CSMD3: variants seen among roughly 807,000 people sequenced by gnomAD.
CSMD3 encodes CUB and Sushi multiple domains 3.
CSMD3 carries 177 observed loss-of-function variants against 435.2 expected under a neutral mutation model. That is an observed-to-expected ratio of 0.41 (90% CI 0.36 to 0.46). The LOEUF (loss-of-function observed/expected upper bound fraction) is 0.46. Among genes scored for constraint, CSMD3 ranks in the 20% least tolerant of loss-of-function variants. The probability of loss-of-function intolerance (pLI) is 0.34; values close to 1 mark genes in which losing one functional copy is unlikely to be tolerated. For synonymous variants in CSMD3, 1,656 were observed against 1,520.5 expected (o/e 1.09, Z -2.07); for missense variants, 4,265 against 4,504.6 (o/e 0.95, Z 1.52).
At chr8:112,274,105 G>C (rs1245460188) in intron 59 of CSMD3, among the ~76,000 whole-genome samples, 1 of 151,546 alleles carries the variant, frequency 6.6e-6, no homozygotes, top group Non-Finnish European at 1.5e-5. Context: ...GTTCACTATT[G>C]CAAAAATGAG....
chr8:113,002,051 C>A (rs915424022), intron 6 of CSMD3, among the ~76,000 whole-genome samples: 2 of 152,006 alleles, frequency 1.3e-5, no homozygotes, highest in African/African-American at 4.8e-5. Context: ...AACTATAAGA[C>A]AATATATCTT....
chr8:112,622,728 A>G (rs1481386664), intron 22 of CSMD3, among the ~76,000 whole-genome samples: 1 of 152,160 alleles, frequency 6.6e-6, no homozygotes, highest in Non-Finnish European at 1.5e-5. Context: ...TATTTAAGCA[A>G]CTTCTGTGTA....
chr8:113,264,936 C>G (rs1274260173), intron 3 of CSMD3, among the ~76,000 whole-genome samples: 1 of 151,550 alleles, frequency 6.6e-6, no homozygotes, highest in Non-Finnish European at 1.5e-5. Flanking sequence ...CTGAGTTTAA[C>G]AAGCATTTAT....
At position 112,835,891 on chromosome 8, in the gene CSMD3, G is replaced by A. The variant is rs1473523225; in HGVS notation, c.1756-6102C>T. On this transcript the variant is annotated intron_variant, in intron 11 of 70. Coordinates refer to ENST00000297405, the MANE Select transcript of CSMD3 (RefSeq NM_198123.2). ...TATCTAGGAACTCATTCCATTTCTA[G>A]AGAAATCAGTATTCACTAGTCTTAT... Among the ~76,000 whole-genome samples the A allele has an allele frequency of 2.0e-5, 3 of 151,790 alleles. No homozygotes were observed. The East Asian group carries it at 5.8e-4, about 29-fold the overall frequency.
chr8:113,031,835 T>C (rs1164910056), intron 5 of CSMD3, among the ~76,000 whole-genome samples: 2 of 151,532 alleles, frequency 1.3e-5, no homozygotes, highest in African/African-American at 2.4e-5. Context: ...AATTGTAATA[T>C]CCACATGTTG....
rs113449703 is a variant in CSMD3 at position 112,335,423 on chromosome 8, G to T, written c.7071C>A (p.Thr2357=). The T allele has an allele frequency of 5.6e-6, 9 of 1,613,698 alleles. No homozygotes were observed. The highest frequency in any genetic ancestry group is 1.3e-5 in the African/African-American group (1 of 74,886). Residue 2357 remains threonine (T), a synonymous_variant, in exon 45 of 71, where the codon ACC becomes ACA. Coordinates refer to ENST00000297405, the MANE Select transcript of CSMD3 (RefSeq NM_198123.2). ...AAGTACTGTAGACTGATTCCAAAGC[G>T]GTATTGCCACTGAACTGACCGATCT... is the stretch of plus-strand genomic sequence containing the variant. The part of the protein sequence containing the change: ...SPQIGQFSGN[T]ALESVYSTSN...
intron 24 of CSMD3, among the ~76,000 whole-genome samples, chr8:112,569,225 G>T (rs1488266123): frequency 6.6e-6 from 1 of 152,102 alleles, no homozygotes; most frequent in Non-Finnish European, 1.5e-5. Context: ...TTGTGACCAT[G>T]TCACCACAAA....
At chr8:113,397,542 C>A (rs2094489301) in intron 1 of CSMD3, among the ~76,000 whole-genome samples, 1 of 151,934 alleles carries the variant, frequency 6.6e-6, no homozygotes, top group South Asian at 2.1e-4. Flanking sequence ...GACTGTGGGC[C>A]GGGCGCGGTG....
At chr8:112,309,932 G>A (rs1417737666) in intron 50 of CSMD3, among the ~76,000 whole-genome samples, 14 of 151,958 alleles carry the variant, frequency 9.2e-5, no homozygotes, top group Admixed American at 9.2e-4. Context: ...CCAAAAAATA[G>A]GTAATAAGTA....
Position 113,067,327 on chromosome 8 carries a change from A to C in CSMD3, c.917+31429T>G, listed in dbSNP as rs368504409. Among the ~76,000 whole-genome samples the C allele has an allele frequency of 9.9e-5, 15 of 152,278 alleles. No individual in the cohort carries two copies. The East Asian group carries it at 2.3e-3, about 23-fold the overall frequency. ...GCAAAAAAATTACTGATTCCATTAC[A>C]AACTTCTTAGACATATGAAATGTCT... On this transcript the variant is annotated intron_variant, in intron 5 of 70. Transcript: ENST00000297405.
At chr8:113,250,474 G>C (rs1432848440) in intron 3 of CSMD3, among the ~76,000 whole-genome samples, 2 of 151,966 alleles carry the variant, frequency 1.3e-5, no homozygotes, top group Non-Finnish European at 2.9e-5. Context: ...AACATTTTTT[G>C]TTTTATTCGT....
intron 70 of CSMD3, 124 bp downstream of exon 70, chr8:112,228,632 T>A: frequency 1.0e-6 from 1 of 955,458 alleles, no homozygotes; most frequent in Non-Finnish European, 1.6e-6. Flanking sequence ...ATGACAATAG[T>A]TAGCACACAG....
At chr8:113,372,185 G>A (rs541184712) in intron 1 of CSMD3, among the ~76,000 whole-genome samples, 102 of 152,088 alleles carry the variant, frequency 6.7e-4, no homozygotes, top group Middle Eastern at 3.4e-3. Context: ...AGTTCCCCAA[G>A]GTATTTTGTA....
intron 1 of CSMD3, among the ~76,000 whole-genome samples, chr8:113,380,566 C>T (rs2094410707): frequency 6.6e-6 from 1 of 152,100 alleles, no homozygotes; most frequent in African/African-American, 2.4e-5. Context: ...ATAACTATTG[C>T]CACTTTCCCA....
chr8:112,295,687 T>G, intron 54 of CSMD3, 146 bp downstream of exon 54: 1 of 659,850 alleles, frequency 1.5e-6, no homozygotes, highest in Non-Finnish European at 2.7e-6. Flanking sequence ...TAAAGACTTT[T>G]GCATAGCAGT....
At chr8:112,368,481 T>C (rs1246098438) in intron 38 of CSMD3, among the ~76,000 whole-genome samples, 1 of 152,214 alleles carries the variant, frequency 6.6e-6, no homozygotes, top group Admixed American at 6.5e-5. Flanking sequence ...AACATATTAA[T>C]AGTGCTTACA....
intron 6 of CSMD3, among the ~76,000 whole-genome samples, chr8:112,986,313 A>C (rs1395798841): frequency 6.6e-6 from 1 of 152,160 alleles, no homozygotes; most frequent in African/African-American, 2.4e-5. Context: ...TAGACTTACA[A>C]ACTCTGAAAA....
chr8:112,906,506 C>A (rs1221181811), intron 10 of CSMD3, among the ~76,000 whole-genome samples: 1 of 151,574 alleles, frequency 6.6e-6, no homozygotes, highest in Admixed American at 6.6e-5. Flanking sequence ...GAGACAACTG[C>A]CCTTTGTATT....
chr8:112,663,365 T>C (rs2075435001), intron 17 of CSMD3, among the ~76,000 whole-genome samples: 2 of 151,492 alleles, frequency 1.3e-5, no homozygotes, highest in African/African-American at 4.9e-5. Flanking sequence ...AAACCACCAT[T>C]CTCAGCAAAC....
Sources: allele counts gnomAD v4.1 joint callset (sites outside exome capture counted in the v4.1 genomes callset), GRCh38; gene constraint gnomAD v4.1.1; transcripts MANE v1.5; gene names NCBI Gene and HGNC (gene_info 2026-07-23, HGNC 2026-07-21).